The following LEF1 variants were observed in gnomAD, a reference collection of about 807,000 sequenced individuals.
LEF1 encodes the protein lymphoid enhancer binding factor 1, also known as lymphoid enhancer-binding factor 1.
Under a neutral mutation model 51.2 loss-of-function variants are expected in LEF1, and 14 were observed. The ratio of observed to expected loss-of-function variants is 0.27; its 90% confidence interval spans 0.18 to 0.43. LEF1 has a LOEUF of 0.43. LEF1 is among the 20% of genes least tolerant of loss of function. The probability of loss-of-function intolerance (pLI) is 1.00; values close to 1 mark genes in which losing one functional copy is unlikely to be tolerated. For synonymous variants in LEF1, 185 were observed against 183.2 expected, an observed-to-expected ratio of 1.01 and a Z score of -0.08; for missense variants, 386 against 512.0, an observed-to-expected ratio of 0.75 and a Z score of 2.37.
chr4:108,135,616 G>C (rs1481121081), intron 3 of LEF1, among the ~76,000 whole-genome samples: 1 of 152,190 alleles, frequency 6.6e-6, no homozygotes, highest in Admixed American at 6.5e-5. Flanking sequence ...GGCAAGAACA[G>C]GGGCCTCTAG....
At chr4:108,147,657 G>T (rs1185361288) in intron 3 of LEF1, among the ~76,000 whole-genome samples, 1 of 152,142 alleles carries the variant, frequency 6.6e-6, no homozygotes, top group Non-Finnish European at 1.5e-5. Flanking sequence ...GTCCTATGTT[G>T]ACACCTTATT....
At chr4:108,098,906 T>TA (rs1015291104) in intron 3 of LEF1, among the ~76,000 whole-genome samples, 13 of 152,224 alleles carry the variant, frequency 8.5e-5, no homozygotes, top group African/African-American at 2.9e-4. Flanking sequence ...TATGAACATG[T>TA]AAATTTGATA....
chr4:108,093,969 C>T (rs946820089), intron 3 of LEF1, among the ~76,000 whole-genome samples: 1 of 152,152 alleles, frequency 6.6e-6, no homozygotes, highest in African/African-American at 2.4e-5. Flanking sequence ...CTATTATTAT[C>T]CCCCTTTTAC....
Position 108,167,969 on chromosome 4 carries a change from C to T in LEF1, c.-202G>A. 1 of 266,346 alleles carries T rather than the reference C, an allele frequency of 3.8e-6. No homozygotes were observed. The highest frequency in any genetic ancestry group is 7.4e-5 in the East Asian group (1 of 13,490). The allele number at this position is 266,346 out of a possible 1,614,324, so 16.5% of individuals were successfully genotyped here. Reference sequence around the variant, plus strand: ...TGCCGCGGCGCCCGAATCCCGGCGGCCGCCGCGCTTTCCCGCTTCGCGGAG... The same window carrying T: ...TGCCGCGGCGCCCGAATCCCGGCGGTCGCCGCGCTTTCCCGCTTCGCGGAG... On this transcript the variant is annotated 5_prime_UTR_variant, in exon 1 of 12. Coordinates refer to ENST00000265165, the MANE Select transcript of LEF1 (RefSeq NM_016269.5). The surrounding 1 kb of genome is among the most constrained non-coding windows in gnomAD (Gnocchi z 5.7).
chr4:108,110,043 A>G (rs1050084135), intron 3 of LEF1, among the ~76,000 whole-genome samples: 7 of 152,318 alleles, frequency 4.6e-5, no homozygotes, highest in South Asian at 2.1e-4. Context: ...TGTGAAAGGG[A>G]AAGTAATGAG....
chr4:108,085,703 C>CTCTA (rs10676870), intron 4 of LEF1, among the ~76,000 whole-genome samples: 126,379 of 151,828 alleles, frequency 0.83, 53,814 homozygotes, highest in East Asian at 0.96. Flanking sequence ...AGGCGTTTGA[C>CTCTA]TCTATAGAAA....
chr4:108,092,939 A>AAAAAAAAAAAAAAAAAAAAAC (rs1553952202), intron 3 of LEF1, among the ~76,000 whole-genome samples: 25 of 90,710 alleles, frequency 2.8e-4, no homozygotes, highest in East Asian at 3.4e-4. Flanking sequence ...AAAAAAAAAA[A>AAAAAAAAAAAAAAAAAAAAAC]AAAAAAAAAA....
intron 3 of LEF1, among the ~76,000 whole-genome samples, chr4:108,117,275 T>C (rs1226111547): frequency 7.9e-5 from 12 of 152,216 alleles, no homozygotes; most frequent in Admixed American, 7.9e-4. Context: ...TATTATTTTA[T>C]AATCTAATTT....
At chr4:108,119,597 C>CTT in intron 3 of LEF1, among the ~76,000 whole-genome samples, 1 of 152,258 alleles carries the variant, frequency 6.6e-6, no homozygotes, top group Non-Finnish European at 1.5e-5. Flanking sequence ...GTGTGAAGGT[C>CTT]TTTGCCAGTT....
intron 3 of LEF1, among the ~76,000 whole-genome samples, chr4:108,161,678 G>C (rs927268926): frequency 6.6e-6 from 1 of 151,942 alleles, no homozygotes; most frequent in African/African-American, 2.4e-5. Context: ...ATATTCTTAG[G>C]GATTGCTTAT....
rs865838643 is a variant in LEF1, at chr4:108,099,619, A to T, written c.415-10362T>A. 8.2e-3 allele frequency among the ~76,000 whole-genome samples: 771 copies of T among 93,740 alleles called. 4 individuals carry two copies. The highest frequency in any genetic ancestry group is 0.016 in the African/African-American group (425 of 26,692). The allele number at this position is 93,740 out of a possible 152,430, so 61.5% of individuals were successfully genotyped here. ...ATATATATATATATATATATATATAAATAATACTTGAAATTATGGGGTACG... is the reference window on the plus strand; with the variant it reads ...ATATATATATATATATATATATATATATAATACTTGAAATTATGGGGTACG... On this transcript the variant is annotated intron_variant, in intron 3 of 11. Transcript: ENST00000265165.
rs139615972 is a variant in LEF1, at chr4:108,050,722, G to A, written c.*7-1971C>T. On this transcript the variant is annotated intron_variant, in intron 11 of 11. Coordinates refer to ENST00000265165, the MANE Select transcript of LEF1 (RefSeq NM_016269.5). Reference sequence around the variant, plus strand: ...CCTGGCCTTGCAGTCCTAGGCTAGCGCCTGAGACAAGCACTGGGACTCAGA... The same window carrying A: ...CCTGGCCTTGCAGTCCTAGGCTAGCACCTGAGACAAGCACTGGGACTCAGA... 3.6e-3 allele frequency among the ~76,000 whole-genome samples: 541 copies of A among 152,296 alleles called. 5 individuals are homozygous for A. Among genetic ancestry groups the A allele is most frequent in the African/African-American group, 0.012 (489 of 41,564 alleles).
intron 3 of LEF1, among the ~76,000 whole-genome samples, chr4:108,126,391 G>T (rs1312328267): frequency 1.3e-5 from 2 of 152,082 alleles, no homozygotes; most frequent in Non-Finnish European, 2.9e-5. Context: ...AAGAAAAGTG[G>T]TTAAAAGAAC....
intron 3 of LEF1, among the ~76,000 whole-genome samples, chr4:108,123,449 T>G (rs1742306036): frequency 6.7e-6 from 1 of 149,298 alleles, no homozygotes. Context: ...TTTTTTTTTT[T>G]TTTTTTTTTT....
chr4:108,089,043 C>T, intron 4 of LEF1, 82 bp downstream of exon 4: 3 of 1,497,646 alleles, frequency 2.0e-6, no homozygotes, highest in Non-Finnish European at 2.8e-6. Context: ...GGAGCACTGG[C>T]ATCTGGAAGG....
intron 11 of LEF1, among the ~76,000 whole-genome samples, chr4:108,049,350 G>T (rs1036589181): frequency 1.3e-5 from 2 of 151,978 alleles, no homozygotes; most frequent in African/African-American, 4.8e-5. Flanking sequence ...TGATAGCCTC[G>T]GAAAGGACAC....
At chr4:108,050,860 C>T (rs1286641452) in intron 11 of LEF1, among the ~76,000 whole-genome samples, 1 of 152,092 alleles carries the variant, frequency 6.6e-6, no homozygotes, top group Non-Finnish European at 1.5e-5. Flanking sequence ...GTACAGACAA[C>T]TTCCATGGCC....
intron 3 of LEF1, among the ~76,000 whole-genome samples, chr4:108,097,112 A>G (rs751789623): frequency 1.3e-5 from 2 of 152,210 alleles, no homozygotes; most frequent in African/African-American, 4.8e-5. Context: ...AAAGGAAATC[A>G]GTATATTAAA....
At chr4:108,147,561 A>T (rs895079203) in intron 3 of LEF1, among the ~76,000 whole-genome samples, 4 of 152,194 alleles carry the variant, frequency 2.6e-5, no homozygotes, top group African/African-American at 9.6e-5. Flanking sequence ...AAAATCTAGT[A>T]CATATAATCC....
Sources: allele counts gnomAD v4.1 joint callset (sites outside exome capture counted in the v4.1 genomes callset), GRCh38; gene constraint gnomAD v4.1.1; non-coding constraint Gnocchi (gnomAD v3.1); transcripts MANE v1.5; gene names NCBI Gene and HGNC (gene_info 2026-07-23, HGNC 2026-07-21).